The following KMT2C variants were observed in gnomAD, a reference collection of about 807,000 sequenced individuals.
KMT2C encodes lysine methyltransferase 2C, also known as histone-lysine N-methyltransferase 2C.
In KMT2C, 88 loss-of-function variants were observed where a neutral mutation model predicts 507.9. The observed-to-expected ratio is 0.17, with a 90% CI of 0.15 to 0.21. The LOEUF (loss-of-function observed/expected upper bound fraction) is 0.21. Among genes scored for constraint, KMT2C ranks in the 10% least tolerant of loss-of-function variants. The probability of loss-of-function intolerance (pLI) is 1.00; values close to 1 mark genes in which losing one functional copy is unlikely to be tolerated. For synonymous variants in KMT2C, 2,049 were observed against 2,080.8 expected (o/e 0.98, Z 0.42); for missense variants, 4,954 against 5,957.8 (o/e 0.83, Z 5.55).
chr7:152,336,386 G>T (rs948125378), intron 2 of KMT2C, among the ~76,000 whole-genome samples: 19 of 152,160 alleles, frequency 1.2e-4, no homozygotes, highest in Admixed American at 5.2e-4. Flanking sequence ...TCAAACAATT[G>T]TCAGAGTTTG....
Position 152,163,344 on chromosome 7 carries a change from T to C in KMT2C, c.10233A>G (p.Gln3411=), listed in dbSNP as rs2092559142. ...KERLREQQER[Q]RIQLMQEVDR... is the part of the protein sequence containing the mutation. ...CTACCTCCTGCATGAGTTGGATCCG[T>C]TGTCTCTCTTGCTGTTCTCGTAAAC... is the stretch of plus-strand genomic sequence containing the variant. The change falls in exon 43 of 59, where the codon CAA becomes CAG. Residue 3411 remains glutamine (Q), a synonymous_variant. Coordinates refer to ENST00000262189, the MANE Select transcript of KMT2C (RefSeq NM_170606.3). The C allele has an allele frequency of 1.2e-6, 2 of 1,614,202 alleles. No homozygotes were observed. The highest frequency in any genetic ancestry group is 8.5e-7 in the Non-Finnish European group (1 of 1,180,026).
chr7:152,207,445 G>A lies in KMT2C; in HGVS notation c.3713-17C>T, dbSNP rs2129138676. The A allele has an allele frequency of 1.3e-6, 2 of 1,561,366 alleles. No homozygotes were observed. The highest frequency in any genetic ancestry group is 1.7e-6 in the Non-Finnish European group (2 of 1,148,932). On this transcript the variant is annotated splice_polypyrimidine_tract_variant and intron_variant, in intron 23 of 58. Coordinates refer to ENST00000262189, the MANE Select transcript of KMT2C (RefSeq NM_170606.3). ...GTTCTCCTTCTGGAAAAAAGTAAAT[G>A]TATACACAAAACTGGAAAAACCTAT...
At chr7:152,378,661 A>G (rs1358689585) in intron 1 of KMT2C, among the ~76,000 whole-genome samples, 1 of 152,174 alleles carries the variant, frequency 6.6e-6, no homozygotes, top group African/African-American at 2.4e-5. Context: ...TTACTTTGGT[A>G]CCAATTCTAG....
chr7:152,177,674 G>A lies in KMT2C; in HGVS notation c.7779C>T (p.Phe2593=), dbSNP rs1430174121. The A allele has an allele frequency of 1.2e-6, 2 of 1,614,144 alleles. No individual in the cohort carries two copies. Among genetic ancestry groups the A allele is most frequent in the Non-Finnish European group, 1.7e-6 (2 of 1,180,036 alleles). ...EASSNLRHGN[F]IPRPDFPGPR... The stretch of plus-strand genomic sequence containing the variant: ...GGCCCGGAAAGTCTGGCCGGGGAAT[G>A]AAGTTTCCATGTCTCAGATTAGAAG... Residue 2593 remains phenylalanine, a synonymous_variant, in exon 38 of 59, where the codon TTC becomes TTT. Coordinates refer to ENST00000262189, the MANE Select transcript of KMT2C (RefSeq NM_170606.3).
chr7:152,362,859 A>C (rs535610325), intron 1 of KMT2C, among the ~76,000 whole-genome samples: 1 of 152,162 alleles, frequency 6.6e-6, no homozygotes, highest in South Asian at 2.1e-4. Flanking sequence ...TTTTCTTCTG[A>C]TTTCTATTCT....
At chr7:152,407,670 T>A (rs2097631104) in intron 1 of KMT2C, among the ~76,000 whole-genome samples, 5 of 20,754 alleles carry the variant, frequency 2.4e-4, no homozygotes, top group African/African-American at 6.3e-4. Context: ...AGACTCTGTC[T>A]CAAAAAAAAA....
intron 1 of KMT2C, among the ~76,000 whole-genome samples, chr7:152,426,236 T>G (rs1564214327): frequency 6.9e-6 from 1 of 145,866 alleles, no homozygotes; most frequent in African/African-American, 2.5e-5. Context: ...CATAGTTTTT[T>G]TTTTTTTTTT....
chr7:152,295,763 T>C (rs559663879), intron 6 of KMT2C, among the ~76,000 whole-genome samples: 6 of 152,268 alleles, frequency 3.9e-5, no homozygotes, highest in African/African-American at 9.6e-5. Context: ...TTATCAGTTA[T>C]TGGTTTAAGA....
intron 6 of KMT2C, among the ~76,000 whole-genome samples, chr7:152,298,724 T>C (rs973977078): frequency 7.9e-5 from 12 of 152,218 alleles, no homozygotes; most frequent in Non-Finnish European, 1.3e-4. Context: ...GTGGTAACTA[T>C]ATGAGCAAAC....
rs141966811 is a variant in KMT2C, at chr7:152,154,092, G to A, written c.12194C>T (p.Ala4065Val). The A allele has an allele frequency of 1.4e-5, 22 of 1,613,812 alleles. No homozygotes were observed. Among genetic ancestry groups the A allele is most frequent in the South Asian group, 1.1e-4 (10 of 91,084 alleles). The part of the protein sequence containing the change: ...IKTEPGTLYF[A>V]SPFGPSPNGP... ...ATTTGGGGAAGGACCAAAAGGTGAC[G>A]CAAAATATAAAGTGCCTGGCTCAGT... The change falls in exon 48 of 59, where the codon GCG becomes GTG. Residue 4065 changes from alanine to valine, a missense_variant. Ala to Val is a moderately conservative substitution (Grantham distance 64, BLOSUM62 0). Transcript: ENST00000262189.
At chr7:152,218,895 C>T (rs2094672074) in intron 23 of KMT2C, among the ~76,000 whole-genome samples, 1 of 152,136 alleles carries the variant, frequency 6.6e-6, no homozygotes, top group Admixed American at 6.6e-5. Context: ...GGCTCACTCA[C>T]TCACCTCTTT....
chr7:152,171,713 TA>T (rs1279114983), intron 39 of KMT2C, among the ~76,000 whole-genome samples: 6 of 152,354 alleles, frequency 3.9e-5, no homozygotes, highest in African/African-American at 1.2e-4. Context: ...GACTTCAGAA[TA>T]AAAATAAGTT....
chr7:152,149,261 T>C, intron 51 of KMT2C, 109 bp from the exon 52 acceptor site: 1 of 1,043,552 alleles, frequency 9.6e-7, no homozygotes, highest in Middle Eastern at 2.2e-4. Flanking sequence ...ATGGGTGACC[T>C]GAGGGGCAGA....
intron 2 of KMT2C, among the ~76,000 whole-genome samples, chr7:152,334,371 G>C (rs1162875772): frequency 6.6e-6 from 1 of 152,212 alleles, no homozygotes; most frequent in East Asian, 1.9e-4. Context: ...AGAATTGCTT[G>C]AACTTGGGAG....
chr7:152,356,757 G>C (rs1473696733), intron 2 of KMT2C, among the ~76,000 whole-genome samples: 1 of 151,158 alleles, frequency 6.6e-6, no homozygotes, highest in Non-Finnish European at 1.5e-5. Context: ...AGGCGTGGTG[G>C]CATCCACCTA....
At chr7:152,149,285 G>T (rs1170180303) in intron 51 of KMT2C, 133 bp from the exon 52 acceptor site, 4 of 752,938 alleles carry the variant, frequency 5.3e-6, no homozygotes, top group Non-Finnish European at 7.7e-6. Flanking sequence ...AGAGTCAGCA[G>T]TAAGTGCTGG....
At position 152,136,720 on chromosome 7, in the gene KMT2C, A is replaced by G; in HGVS notation, c.*112T>C. On this transcript the variant is annotated 3_prime_UTR_variant, in exon 59 of 59. Transcript: ENST00000262189. ...TCAGAACTCCCAGAAGCTTTTTCAA[A>G]AAGTCATAAAACAGAAAACAAAAAT... 1 of 773,442 alleles carries G rather than the reference A, an allele frequency of 1.3e-6. No homozygotes were observed. Among genetic ancestry groups the G allele is most frequent in the Non-Finnish European group, 2.2e-6 (1 of 456,918 alleles). The allele number at this position is 773,442 out of a possible 1,614,324, so 47.9% of individuals were successfully genotyped here.
In KMT2C at chr7:152,358,634, C is replaced by G. The variant is rs776489304; in HGVS notation, c.203G>C (p.Ser68Thr). 5.6e-6 allele frequency: 9 copies of G among 1,610,956 alleles called. No homozygotes were observed. Among genetic ancestry groups the G allele is most frequent in the Non-Finnish European group, 7.6e-6 (9 of 1,178,490 alleles). Residue 68 changes from serine to threonine, a missense_variant, in exon 2 of 59, where the codon AGC (serine) becomes ACC (threonine). By Grantham distance (58) the Ser-to-Thr change is moderately conservative. Around this residue, in one of 29 missense-constraint regions of KMT2C, gnomAD observed 233 missense variants for 263.6 expected, o/e 0.88. Coordinates refer to ENST00000262189, the MANE Select transcript of KMT2C (RefSeq NM_170606.3). Reference protein sequence around the residue: ...RGKTAVEDEDSMDGLETTETE... With the variant: ...RGKTAVEDEDTMDGLETTETE... ...TTCTGTTGTCTCCAGCCCATCCATG[C>G]TGTCCTCATCTTCCACTGCAGTTTT... is the stretch of plus-strand genomic sequence containing the variant.
At chr7:152,150,854 G>T in intron 51 of KMT2C, 46 bp downstream of exon 51, 2 of 1,288,188 alleles carry the variant, frequency 1.6e-6, no homozygotes, top group Non-Finnish European at 2.3e-6. Flanking sequence ...GAACACAGAA[G>T]TCACTCGTTA....
Sources: allele counts gnomAD v4.1 joint callset (sites outside exome capture counted in the v4.1 genomes callset), GRCh38; gene constraint gnomAD v4.1.1; regional missense constraint gnomAD v4.1.1; transcripts MANE v1.5; gene names NCBI Gene and HGNC (gene_info 2026-07-23, HGNC 2026-07-21).